Variants in PTPRN2 observed in about 807,000 individuals in gnomAD.
The protein encoded by PTPRN2 is receptor-type tyrosine-protein phosphatase N2.
PTPRN2 carries 74 observed loss-of-function variants against 118.8 expected under a neutral mutation model. The ratio of observed to expected loss-of-function variants is 0.62; its 90% CI spans 0.52 to 0.76. PTPRN2 has a LOEUF of 0.76. PTPRN2 is among the 30% of genes least tolerant of loss of function. The pLI is 0.00. For synonymous variants in PTPRN2, 641 were observed against 608.0 expected, an observed-to-expected ratio of 1.05 and a Z score of -0.80; for missense variants, 1,481 against 1,394.4, an observed-to-expected ratio of 1.06 and a Z score of -0.99.
At chr7:158,104,589 T>C (rs900492432) in intron 10 of PTPRN2, among the ~76,000 whole-genome samples, 1 of 152,012 alleles carries the variant, frequency 6.6e-6, no homozygotes, top group Non-Finnish European at 1.5e-5. Flanking sequence ...GGAGGAGAGC[T>C]TGAGGAAGAG....
chr7:157,690,076 G>A lies in PTPRN2; in HGVS notation c.1789-7139C>T, dbSNP rs1797399084. Among the ~76,000 whole-genome samples the A allele has an allele frequency of 6.6e-6, 1 of 152,326 alleles. No individual in the cohort carries two copies. Among genetic ancestry groups the A allele is most frequent in the South Asian group, 2.1e-4 (1 of 4,828 alleles). ...TGCAATGGTCGGAACTGCAGGGAGT[G>A]GGGAGCAACGCGAAAGGCCGAGAGA... On this transcript the variant is annotated intron_variant, in intron 12 of 22. Coordinates refer to ENST00000389418, the MANE Select transcript of PTPRN2 (RefSeq NM_002847.5). The surrounding 1 kb of genome is among the most constrained non-coding windows in gnomAD (Gnocchi z 7.1).
At chr7:157,712,918 A>G (rs1798721232) in intron 12 of PTPRN2, among the ~76,000 whole-genome samples, 1 of 152,148 alleles carries the variant, frequency 6.6e-6, no homozygotes, top group Non-Finnish European at 1.5e-5. Flanking sequence ...ACAGCTTCAG[A>G]CATGCTCTCA....
intron 2 of PTPRN2, among the ~76,000 whole-genome samples, chr7:158,342,768 G>T (rs1435745463): frequency 6.6e-6 from 1 of 152,168 alleles, no homozygotes; most frequent in East Asian, 1.9e-4. Flanking sequence ...GGCAGCGGCA[G>T]GAAAGTCTGA....
At chr7:158,560,111 C>G (rs1363665710) in intron 1 of PTPRN2, among the ~76,000 whole-genome samples, 2 of 152,356 alleles carry the variant, frequency 1.3e-5, no homozygotes, top group East Asian at 3.9e-4. Context: ...CGGCTTCTTT[C>G]ACTCAGCATA....
At chr7:158,055,009 G>C (rs1054698619) in intron 11 of PTPRN2, among the ~76,000 whole-genome samples, 5 of 152,216 alleles carry the variant, frequency 3.3e-5, no homozygotes, top group African/African-American at 1.2e-4. Flanking sequence ...AGCCACCCAG[G>C]TGCCGAGGCA....
intron 12 of PTPRN2, among the ~76,000 whole-genome samples, chr7:157,886,641 G>A (rs1796461508): frequency 6.6e-6 from 1 of 152,226 alleles, no homozygotes; most frequent in African/African-American, 2.4e-5. Context: ...TTGTCAATAC[G>A]TCAAGTGCAG....
chr7:157,543,173 C>G (rs945636439), intron 22 of PTPRN2, among the ~76,000 whole-genome samples: 1 of 152,214 alleles, frequency 6.6e-6, no homozygotes, highest in Non-Finnish European at 1.5e-5. Flanking sequence ...GCCTAAACTG[C>G]ATCTGAGTGC....
At chr7:158,327,397 T>A (rs943023455) in intron 2 of PTPRN2, among the ~76,000 whole-genome samples, 19 of 146,082 alleles carry the variant, frequency 1.3e-4, no homozygotes, top group African/African-American at 2.6e-4. Context: ...ACACACATGC[T>A]CACACATGCT....
rs970123605 is a variant in PTPRN2 at position 157,944,437 on chromosome 7, T to C, written c.1724-45700A>G. 1.3e-5 allele frequency among the ~76,000 whole-genome samples: 2 copies of C among 152,192 alleles called. No individual in the cohort carries two copies. The highest frequency in any genetic ancestry group is 4.8e-5 in the African/African-American group (2 of 41,440). ...ATGTGTTAAGTGGCACAAATATGTGTTTATCGAGAGAAACCTAAGTTTGTG... is the reference window on the plus strand; with the variant it reads ...ATGTGTTAAGTGGCACAAATATGTGCTTATCGAGAGAAACCTAAGTTTGTG... On this transcript the variant is annotated intron_variant, in intron 11 of 22. Coordinates refer to ENST00000389418, the MANE Select transcript of PTPRN2 (RefSeq NM_002847.5). The surrounding 1 kb of genome is among the most constrained non-coding windows in gnomAD (Gnocchi z 4.3).
At position 157,587,257 on chromosome 7, in the gene PTPRN2, G is replaced by A. The variant is rs543972082; in HGVS notation, c.2496+7981C>T. Among the ~76,000 whole-genome samples the A allele has an allele frequency of 2.8e-3, 406 of 142,980 alleles. 3 individuals carry two copies. The highest frequency in any genetic ancestry group is 0.011 in the African/African-American group (383 of 36,068). 93.8% of individuals were successfully genotyped at this position (142,980 alleles called of 152,430 possible). A position where few individuals can be genotyped will look rare whatever the true frequency, so the allele number is the denominator to read the frequency against. ...AGGCAGACAGCGAGACAGGCAGACA[G>A]ACAGGCAGACAAACAGGCAGACAGG... On this transcript the variant is annotated intron_variant, in intron 17 of 22. Transcript: ENST00000389418. The surrounding 1 kb of genome is among the most constrained non-coding windows in gnomAD (Gnocchi z 5.3).
At chr7:157,838,460 C>A (rs1808144224) in intron 12 of PTPRN2, among the ~76,000 whole-genome samples, 1 of 103,120 alleles carries the variant, frequency 9.7e-6, no homozygotes, top group Non-Finnish European at 2.0e-5. Flanking sequence ...CAGTTCCTCT[C>A]ATAGTGGATG....
At chr7:158,246,809 C>T (rs376536489) in intron 3 of PTPRN2, among the ~76,000 whole-genome samples, 1 of 151,962 alleles carries the variant, frequency 6.6e-6, no homozygotes, top group South Asian at 2.1e-4. Context: ...TGCCGGAATC[C>T]GTGGTCATGC....
At chr7:158,111,932 G>C (rs1816311856) in intron 9 of PTPRN2, among the ~76,000 whole-genome samples, 1 of 152,180 alleles carries the variant, frequency 6.6e-6, no homozygotes, top group Non-Finnish European at 1.5e-5. Flanking sequence ...CAATATCACT[G>C]GTGTCCGTAT....
intron 1 of PTPRN2, among the ~76,000 whole-genome samples, chr7:158,547,826 T>C (rs1826394041): frequency 6.6e-6 from 1 of 152,232 alleles, no homozygotes; most frequent in African/African-American, 2.4e-5. Context: ...CACTACTCTG[T>C]CCCAATATCA....
chr7:158,134,915 C>T (rs867001127), intron 8 of PTPRN2, among the ~76,000 whole-genome samples: 3 of 152,240 alleles, frequency 2.0e-5, no homozygotes, highest in South Asian at 2.1e-4. Flanking sequence ...TCACAAAAGT[C>T]GTGATTATCA....
At chr7:158,174,948 A>G (rs900313107) in intron 5 of PTPRN2, among the ~76,000 whole-genome samples, 2 of 152,112 alleles carry the variant, frequency 1.3e-5, no homozygotes, top group African/African-American at 4.8e-5. Flanking sequence ...TTTGACAAAC[A>G]TGCCTCTCCT....
At position 158,177,094 on chromosome 7, in the gene PTPRN2, C is replaced by T. The variant is rs190379881; in HGVS notation, c.550-9803G>A. ...GGGCCAGCTTTCCTGTGAATGCAGG[C>T]GTCCCTCCTCTTGGATAGACATCCA... On this transcript the variant is annotated intron_variant, in intron 5 of 22. Transcript: ENST00000389418. Among the ~76,000 whole-genome samples, 705 of 152,296 alleles carry T rather than the reference C, an allele frequency of 4.6e-3. 3 individuals are homozygous for T. Among genetic ancestry groups the T allele is most frequent in the Non-Finnish European group, 8.4e-3 (570 of 68,014 alleles).
At chr7:158,130,324 C>T (rs184881607) in intron 9 of PTPRN2, among the ~76,000 whole-genome samples, 20 of 152,194 alleles carry the variant, frequency 1.3e-4, no homozygotes, top group Non-Finnish European at 2.2e-4. Flanking sequence ...CCCGAACAGA[C>T]GCACATCATA....
rs1404782633 is a variant in PTPRN2, at chr7:157,874,011, G to A, written c.1788+24662C>T. On this transcript the variant is annotated intron_variant, in intron 12 of 22. Coordinates refer to ENST00000389418, the MANE Select transcript of PTPRN2 (RefSeq NM_002847.5). This position sits in a 1 kb window ranked among gnomAD's most constrained non-coding sequence, Gnocchi z 5.8. Reference sequence around the variant, plus strand: ...GTCCCAGGACCCTGAGCAGCCTCGGGAAGAGCTCTCGGGACCTCGGGGGAG... The same window carrying A: ...GTCCCAGGACCCTGAGCAGCCTCGGAAAGAGCTCTCGGGACCTCGGGGGAG... 6.6e-6 allele frequency among the ~76,000 whole-genome samples: 1 copy of A among 152,216 alleles called. No individual in the cohort carries two copies. Among genetic ancestry groups the A allele is most frequent in the East Asian group, 1.9e-4 (1 of 5,188 alleles).
Sources: allele counts gnomAD v4.1 joint callset (sites outside exome capture counted in the v4.1 genomes callset), GRCh38; gene constraint gnomAD v4.1.1; non-coding constraint Gnocchi (gnomAD v3.1); transcripts MANE v1.5; gene names NCBI Gene and HGNC (gene_info 2026-07-23, HGNC 2026-07-21).